The following LRBA variants were observed in gnomAD, a reference collection of about 807,000 sequenced individuals.
The protein encoded by LRBA is LPS responsive beige-like anchor protein, also known as lipopolysaccharide-responsive and beige-like anchor protein.
A neutral mutation model predicts 330.0 loss-of-function variants in LRBA; 176 were observed. That is an observed-to-expected ratio of 0.53 (90% CI 0.47 to 0.60). The LOEUF (loss-of-function observed/expected upper bound fraction) is 0.60. Ranked by LOEUF, LRBA falls within the 20% of genes least tolerant of loss-of-function variation. The pLI, the probability that LRBA is intolerant of heterozygous loss-of-function variation, is 0.00. For synonymous variants in LRBA, 1,230 were observed against 1,193.0 expected, an observed-to-expected ratio of 1.03 and a Z score of -0.64; for missense variants, 3,259 against 3,444.8, an observed-to-expected ratio of 0.95 and a Z score of 1.35.
At chr4:150,552,718 C>T (rs1336917741) in intron 40 of LRBA, among the ~76,000 whole-genome samples, 4 of 152,104 alleles carry the variant, frequency 2.6e-5, no homozygotes, top group African/African-American at 9.7e-5. Flanking sequence ...TGCGGCACTA[C>T]TCACAATAGT....
At chr4:150,500,603 C>G (rs1343265579) in intron 40 of LRBA, among the ~76,000 whole-genome samples, 1 of 151,708 alleles carries the variant, frequency 6.6e-6, no homozygotes, top group Admixed American at 6.6e-5. Context: ...AATAAATAAT[C>G]CCCCCTCTCC....
chr4:150,868,051 T>G, intron 21 of LRBA, 131 bp downstream of exon 21: 2 of 1,019,736 alleles, frequency 2.0e-6, no homozygotes, highest in Admixed American at 5.4e-5. Context: ...GGTACATTAT[T>G]TACATACTCT....
At chr4:150,951,223 T>A (rs557432249) in intron 2 of LRBA, among the ~76,000 whole-genome samples, 3 of 152,298 alleles carry the variant, frequency 2.0e-5, no homozygotes, top group East Asian at 3.9e-4. Flanking sequence ...TCTCTTACAA[T>A]GAGAAAATCC....
intron 9 of LRBA, among the ~76,000 whole-genome samples, chr4:150,909,702 G>T (rs1196022870): frequency 6.6e-6 from 1 of 152,110 alleles, no homozygotes; most frequent in Admixed American, 6.5e-5. Flanking sequence ...TGGATCACAT[G>T]GAAGTTCTAT....
chr4:150,423,277 G>T, intron 46 of LRBA: 1 of 901,596 alleles, frequency 1.1e-6, no homozygotes, highest in Non-Finnish European at 1.8e-6. Context: ...ATCTCCTGTA[G>T]GGGTGTCTCC....
chr4:150,828,352 T>A lies in LRBA; in HGVS notation c.4999A>T (p.Thr1667Ser), dbSNP rs753332523. 6.2e-7 allele frequency: 1 copy of A among 1,614,146 alleles called. No individual in the cohort carries two copies. Among genetic ancestry groups the A allele is most frequent in the Non-Finnish European group, 8.5e-7 (1 of 1,180,014 alleles). Reference protein sequence around the residue: ...DRGNDLDTKATPSVSVSKNVN... With the variant: ...DRGNDLDTKASPSVSVSKNVN... ...TTTTTTGAAACTGAAACTGACGGTGTAGCCTTAGTGTCCAAGTCATTTCCT... is the reference window on the plus strand; with the variant it reads ...TTTTTTGAAACTGAAACTGACGGTGAAGCCTTAGTGTCCAAGTCATTTCCT... Residue 1667 changes from threonine to serine, a missense_variant, in exon 30 of 57, where the codon ACA becomes TCA. Physicochemically the swap from Thr to Ser is moderately conservative, Grantham distance 58. Transcript: ENST00000651943.
chr4:150,463,905 A>G (rs1246548587), intron 44 of LRBA, among the ~76,000 whole-genome samples: 3 of 151,884 alleles, frequency 2.0e-5, no homozygotes, highest in African/African-American at 7.2e-5. Flanking sequence ...TGAGGGGCAG[A>G]GAATGGAGGC....
intron 2 of LRBA, among the ~76,000 whole-genome samples, chr4:150,993,902 TA>T (rs1742365801): frequency 6.6e-6 from 1 of 151,578 alleles, no homozygotes; most frequent in South Asian, 2.1e-4. Context: ...CCATCCCTAC[TA>T]AAAATACAAA....
intron 49 of LRBA, among the ~76,000 whole-genome samples, chr4:150,323,516 T>C (rs577475067): frequency 6.6e-6 from 1 of 152,334 alleles, no homozygotes; most frequent in African/African-American, 2.4e-5. Flanking sequence ...CTTGTTTACA[T>C]AGTGACTCTG....
chr4:150,270,200 A>G (rs1745880751), intron 56 of LRBA, among the ~76,000 whole-genome samples: 1 of 152,202 alleles, frequency 6.6e-6, no homozygotes, highest in African/African-American at 2.4e-5. Flanking sequence ...TAACCCAGCA[A>G]TTCCACTCCT....
At chr4:150,285,852 G>T in intron 54 of LRBA, 81 bp downstream of exon 54, 1 of 777,142 alleles carries the variant, frequency 1.3e-6, no homozygotes, top group Non-Finnish European at 1.9e-6. Flanking sequence ...TTAGAAAAAA[G>T]GTACCAAATT....
At chr4:150,404,351 A>G (rs560590666) in intron 47 of LRBA, among the ~76,000 whole-genome samples, 1 of 152,222 alleles carries the variant, frequency 6.6e-6, no homozygotes, top group Non-Finnish European at 1.5e-5. Flanking sequence ...AAATGTTTCA[A>G]AGAAGATGAG....
chr4:150,480,207 A>G (rs1757143831), intron 42 of LRBA, among the ~76,000 whole-genome samples: 1 of 152,150 alleles, frequency 6.6e-6, no homozygotes, highest in African/African-American at 2.4e-5. Flanking sequence ...CCCAGCATAC[A>G]GGAGAAAGAT....
Position 150,490,999 on chromosome 4 carries a change from G to T in LRBA, c.6367C>A (p.Leu2123Met). 1 of 1,606,934 alleles carries T rather than the reference G, an allele frequency of 6.2e-7. No homozygotes were observed. Among genetic ancestry groups the T allele is most frequent in the South Asian group, 1.1e-5 (1 of 89,900 alleles). Residue 2123 changes from leucine to methionine, a missense_variant, in exon 41 of 57, where the codon CTG becomes ATG. Coordinates refer to ENST00000651943, the MANE Select transcript of LRBA (RefSeq NM_001364905.1). ...AAGATTGATCGTATCTCTGTGAACA[G>T]CCATTTTCCATGCAGCCCTTCTGTA... is the stretch of plus-strand genomic sequence containing the variant. The part of the protein sequence containing the change: ...AYTEGLHGKW[L>M]FTEIRSIFSR...
intron 44 of LRBA, among the ~76,000 whole-genome samples, chr4:150,465,372 G>C (rs1010433405): frequency 6.6e-6 from 1 of 152,088 alleles, no homozygotes; most frequent in African/African-American, 2.4e-5. Context: ...ATGAACATGG[G>C]TGTAAAATTA....
chr4:150,745,851 G>A (rs560331204), intron 35 of LRBA, among the ~76,000 whole-genome samples: 2 of 152,020 alleles, frequency 1.3e-5, no homozygotes, highest in East Asian at 1.9e-4. Context: ...CAAGAGAACC[G>A]AAACATCCCT....
At chr4:150,687,164 T>G in intron 36 of LRBA, among the ~76,000 whole-genome samples, 1 of 152,164 alleles carries the variant, frequency 6.6e-6, no homozygotes. Context: ...TAATATTTTT[T>G]AAATGTCCTT....
At chr4:150,350,289 T>C in intron 47 of LRBA, 130 bp from the exon 48 acceptor site, 1 of 720,850 alleles carries the variant, frequency 1.4e-6, no homozygotes, top group Non-Finnish European at 2.1e-6. Flanking sequence ...ACAAAACTTG[T>C]GGCCGGGCGC....
At chr4:150,411,409 AC>A (rs1247286616) in intron 47 of LRBA, among the ~76,000 whole-genome samples, 1 of 152,198 alleles carries the variant, frequency 6.6e-6, no homozygotes, top group East Asian at 1.9e-4. Context: ...TGAATTAACA[AC>A]CAAATACTTA....
Sources: allele counts gnomAD v4.1 joint callset (sites outside exome capture counted in the v4.1 genomes callset), GRCh38; gene constraint gnomAD v4.1.1; transcripts MANE v1.5; gene names NCBI Gene and HGNC (gene_info 2026-07-23, HGNC 2026-07-21).